Variants in GPM6A observed in about 807,000 individuals in gnomAD.
GPM6A encodes glycoprotein M6A, also known as neuronal membrane glycoprotein M6-a.
A neutral mutation model predicts 32.1 loss-of-function variants in GPM6A; 7 were observed. The observed-to-expected ratio is 0.22, with a 90% CI of 0.12 to 0.41. GPM6A has a LOEUF of 0.41. GPM6A is among the 10% of genes least tolerant of loss of function. The pLI, the probability that GPM6A is intolerant of heterozygous loss-of-function variation, is 1.00. For synonymous variants in GPM6A, 130 were observed against 123.4 expected, an observed-to-expected ratio of 1.05 and a Z score of -0.35; for missense variants, 235 against 347.2, an observed-to-expected ratio of 0.68 and a Z score of 2.57.
At chr4:175,718,009 G>A (rs903959490) in intron 1 of GPM6A, among the ~76,000 whole-genome samples, 8 of 152,052 alleles carry the variant, frequency 5.3e-5, no homozygotes, top group African/African-American at 1.2e-4. Context: ...GTGCCCTCAC[G>A]ACCACAGCAA....
chr4:175,877,058 A>G (rs1737104967), intron 1 of GPM6A, among the ~76,000 whole-genome samples: 1 of 152,160 alleles, frequency 6.6e-6, no homozygotes, highest in Non-Finnish European at 1.5e-5. Flanking sequence ...ATTGGAAGAA[A>G]TACACCTGAT....
At chr4:175,925,779 T>A (rs1238855900) in intron 1 of GPM6A, among the ~76,000 whole-genome samples, 1 of 152,050 alleles carries the variant, frequency 6.6e-6, no homozygotes, top group Non-Finnish European at 1.5e-5. Flanking sequence ...AATACAGCTG[T>A]AGTTGTCAAA....
chr4:175,870,626 C>T (rs945196486), intron 1 of GPM6A, among the ~76,000 whole-genome samples: 10 of 152,282 alleles, frequency 6.6e-5, no homozygotes, highest in Admixed American at 6.5e-4. Context: ...TATTCTCTTA[C>T]ACTACATCGC....
intron 3 of GPM6A, among the ~76,000 whole-genome samples, chr4:175,658,632 G>A (rs1478250425): frequency 6.6e-6 from 1 of 152,196 alleles, no homozygotes; most frequent in Non-Finnish European, 1.5e-5. Context: ...CCATTCTGGT[G>A]GTGGTGAGGT....
At chr4:175,864,906 A>C (rs1736683779) in intron 1 of GPM6A, among the ~76,000 whole-genome samples, 1 of 151,964 alleles carries the variant, frequency 6.6e-6, no homozygotes, top group East Asian at 2.0e-4. Context: ...CCTAGGCTCA[A>C]GCAATTCTCC....
intron 1 of GPM6A, among the ~76,000 whole-genome samples, chr4:175,864,084 A>T (rs1736657395): frequency 6.6e-6 from 1 of 152,154 alleles, no homozygotes; most frequent in Non-Finnish European, 1.5e-5. Context: ...TTGACCTTCT[A>T]GTGGGTTTAC....
At chr4:175,857,780 A>G (rs1228636737) in intron 1 of GPM6A, among the ~76,000 whole-genome samples, 1 of 152,140 alleles carries the variant, frequency 6.6e-6, no homozygotes, top group Non-Finnish European at 1.5e-5. Context: ...TAATGATAAA[A>G]GACTGATTGT....
intron 1 of GPM6A, among the ~76,000 whole-genome samples, chr4:175,930,388 T>TAAA (rs1454211824): frequency 2.9e-5 from 4 of 138,000 alleles, no homozygotes; most frequent in African/African-American, 1.0e-4. Flanking sequence ...AGCTTAAACT[T>TAAA]AAAAAAAAAA....
Position 175,701,642 on chromosome 4 carries a change from C to G in GPM6A, c.163G>C (p.Val55Leu). ...GCGHEALSGT[V>L]NILQTYFEMA... ...TCAAAGTAGGTTTGCAGAATGTTGACAGTTCCAGAAAGCGCTTCATGACCG... is the reference window on the plus strand; with the variant it reads ...TCAAAGTAGGTTTGCAGAATGTTGAGAGTTCCAGAAAGCGCTTCATGACCG... Residue 55 changes from valine to leucine, a missense_variant, in exon 2 of 7, where the codon GTC becomes CTC. Physicochemically the swap from Val to Leu is conservative, Grantham distance 32. Coordinates refer to ENST00000393658, the MANE Select transcript of GPM6A (RefSeq NM_201591.3). 6.2e-7 allele frequency: 1 copy of G among 1,614,020 alleles called. No homozygotes were observed. The highest frequency in any genetic ancestry group is 8.5e-7 in the Non-Finnish European group (1 of 1,179,934).
Position 175,833,247 on chromosome 4 carries a change from A to G in GPM6A, c.-22-20998T>C, listed in dbSNP as rs192546727. Among the ~76,000 whole-genome samples the G allele has an allele frequency of 1.3e-4, 20 of 152,302 alleles. No homozygotes were observed. In the East Asian group the frequency reaches 3.9e-3, roughly 29 times the overall value. On this transcript the variant is annotated intron_variant, in intron 1 of 7. Coordinates refer to the GPM6A transcript ENST00000280187. ...AGACTCCTGGGGGTGGGCGGGCTAA[A>G]GAAAGAAGACAGAATGATGAAAAAC...
chr4:175,729,855 T>C (rs1028043331), intron 1 of GPM6A, among the ~76,000 whole-genome samples: 10 of 146,920 alleles, frequency 6.8e-5, no homozygotes, highest in African/African-American at 2.5e-4. Context: ...TTAATGTATA[T>C]ATGTATTTAA....
At chr4:175,900,225 A>G (rs1737914805) in intron 1 of GPM6A, among the ~76,000 whole-genome samples, 1 of 151,092 alleles carries the variant, frequency 6.6e-6, no homozygotes, top group African/African-American at 2.4e-5. Flanking sequence ...GTGAGCCAAG[A>G]TCGCACCACT....
chr4:175,953,854 G>A (rs1379224137), intron 1 of GPM6A, among the ~76,000 whole-genome samples: 2 of 152,154 alleles, frequency 1.3e-5, no homozygotes, highest in Non-Finnish European at 2.9e-5. Flanking sequence ...AGCCGAGATC[G>A]TGCCATTGCA....
intron 1 of GPM6A, among the ~76,000 whole-genome samples, chr4:175,712,041 A>AC (rs1745585700): frequency 2.0e-5 from 3 of 152,236 alleles, no homozygotes; most frequent in Non-Finnish European, 2.9e-5. Context: ...ACACACAAAG[A>AC]AATCTATGAC....
chr4:175,778,651 GA>G (rs1331769774), intron 1 of GPM6A, among the ~76,000 whole-genome samples: 46 of 99,818 alleles, frequency 4.6e-4, no homozygotes, highest in African/African-American at 1.6e-3. Context: ...AAAAAAAAAA[GA>G]AAAAGAAAAA....
chr4:175,874,187 A>G (rs773650100), intron 1 of GPM6A, among the ~76,000 whole-genome samples: 13 of 152,226 alleles, frequency 8.5e-5, no homozygotes, highest in Non-Finnish European at 1.9e-4. Context: ...CCGCAGGTCA[A>G]TAAAGATTGT....
chr4:175,712,509 T>C (rs1745611478), intron 1 of GPM6A, among the ~76,000 whole-genome samples: 1 of 152,242 alleles, frequency 6.6e-6, no homozygotes, highest in Non-Finnish European at 1.5e-5. Context: ...TGCTTTTATT[T>C]AGAGGACTAT....
intron 1 of GPM6A, among the ~76,000 whole-genome samples, chr4:175,764,103 T>G (rs1732863263): frequency 6.6e-6 from 1 of 152,220 alleles, no homozygotes; most frequent in Admixed American, 6.5e-5. Flanking sequence ...CCATCACCAC[T>G]ATCTAATTCC....
intron 2 of GPM6A, among the ~76,000 whole-genome samples, chr4:175,677,568 CA>C (rs1224753124): frequency 6.6e-6 from 1 of 151,248 alleles, no homozygotes; most frequent in South Asian, 2.1e-4. Flanking sequence ...AGAATTTGGC[CA>C]AAAAAAGTGC....
Sources: gnomAD v4.1 joint callset for allele counts (sites outside exome capture counted in the v4.1 genomes callset) on GRCh38, gnomAD v4.1.1 for gene constraint, MANE v1.5 for transcripts, NCBI Gene and HGNC (gene_info 2026-07-23, HGNC 2026-07-21) for gene names.